Variants in SHROOM3 observed in about 807,000 individuals in gnomAD.
The protein encoded by SHROOM3 is shroom family member 3, also known as protein Shroom3.
SHROOM3 carries 47 observed loss-of-function variants against 138.6 expected under a neutral mutation model. That is an observed-to-expected ratio of 0.34 (90% CI 0.27 to 0.43). The LOEUF is 0.43. Ranked by LOEUF, SHROOM3 falls within the 20% of genes least tolerant of loss-of-function variation. SHROOM3 has a pLI of 1.00. For synonymous variants in SHROOM3, 1,062 were observed against 1,063.3 expected (o/e 1.00, Z 0.02); for missense variants, 2,491 against 2,596.5 (o/e 0.96, Z 0.88).
chr4:76,695,884 G>A (rs144266370), intron 2 of SHROOM3, among the ~76,000 whole-genome samples: 4 of 152,290 alleles, frequency 2.6e-5, no homozygotes, highest in African/African-American at 9.6e-5. Context: ...CAGACCCATC[G>A]AAGAAGCCCC....
intron 2 of SHROOM3, among the ~76,000 whole-genome samples, chr4:76,584,493 G>A (rs1734112033): frequency 6.6e-6 from 1 of 152,154 alleles, no homozygotes. Flanking sequence ...GACAGAGCTG[G>A]ACTATGAGGA....
chr4:76,772,654 A>C (rs1440489875), intron 10 of SHROOM3, among the ~76,000 whole-genome samples: 1 of 152,164 alleles, frequency 6.6e-6, no homozygotes, highest in Non-Finnish European at 1.5e-5. Context: ...CCTAACTCAG[A>C]AGTGTGTCCT....
intron 2 of SHROOM3, among the ~76,000 whole-genome samples, chr4:76,595,975 A>G (rs6846198): frequency 0.59 from 89,409 of 152,026 alleles, 27,033 homozygotes; most frequent in East Asian, 0.85. Context: ...TCTCTGCTCC[A>G]TGGTTGTTTT....
chr4:76,719,661 A>G (rs1720476639), intron 3 of SHROOM3, among the ~76,000 whole-genome samples: 1 of 151,752 alleles, frequency 6.6e-6, no homozygotes, highest in Non-Finnish European at 1.5e-5. Flanking sequence ...AATATTGGGG[A>G]AAAAAACATT....
At position 76,644,566 on chromosome 4, in the gene SHROOM3, G is replaced by GTT. The variant is rs1560577886; in HGVS notation, c.324-65590_324-65589insTT. Among the ~76,000 whole-genome samples the GTT allele has an allele frequency of 1.2e-3, 173 of 149,544 alleles. 1 individual carries two copies. Among genetic ancestry groups the GTT allele is most frequent in the African/African-American group, 4.1e-3 (166 of 40,818 alleles). On this transcript the variant is annotated intron_variant, in intron 2 of 10. Coordinates refer to ENST00000296043, the MANE Select transcript of SHROOM3 (RefSeq NM_020859.4). ...CAGCTTTCCATGTCAGGACATACGG[G>GTT]GTTTTTTTTTTTTAACTTTTATTTT...
At chr4:76,679,831 T>C (rs1310806174) in intron 2 of SHROOM3, among the ~76,000 whole-genome samples, 1 of 152,214 alleles carries the variant, frequency 6.6e-6, no homozygotes, top group African/African-American at 2.4e-5. Flanking sequence ...TGCACTCCAG[T>C]TGAACCCATG....
intron 2 of SHROOM3, among the ~76,000 whole-genome samples, chr4:76,646,637 C>T (rs1439948430): frequency 6.6e-6 from 1 of 152,050 alleles, no homozygotes; most frequent in Non-Finnish European, 1.5e-5. Flanking sequence ...TGGTCTACTT[C>T]TATTAGATGT....
At chr4:76,608,653 TAGCATAGCATAGCACAGCATAGCAC>T (rs1442655067) in intron 2 of SHROOM3, among the ~76,000 whole-genome samples, 11 of 44,162 alleles carry the variant, frequency 2.5e-4, no homozygotes, top group East Asian at 6.2e-4. Context: ...TAGCATAGCA[TAGCATAGCATAGCACAGCATAGCAC>T]AGCACAGCAC....
chr4:76,539,892 G>A (rs1283617875), intron 1 of SHROOM3, among the ~76,000 whole-genome samples: 1 of 152,198 alleles, frequency 6.6e-6, no homozygotes, highest in African/African-American at 2.4e-5. Flanking sequence ...CTTTCACCCA[G>A]GCTGGAGTGC....
At chr4:76,505,640 C>T (rs1349704324) in intron 1 of SHROOM3, among the ~76,000 whole-genome samples, 3 of 150,158 alleles carry the variant, frequency 2.0e-5, no homozygotes, top group African/African-American at 7.3e-5. Context: ...CAAGCATTTA[C>T]CTTGTATTAG....
intron 2 of SHROOM3, among the ~76,000 whole-genome samples, chr4:76,562,797 C>G (rs1560546723): frequency 6.6e-6 from 1 of 152,132 alleles, no homozygotes; most frequent in Non-Finnish European, 1.5e-5. Context: ...TTTAAAGAAG[C>G]AATTTATTAA....
chr4:76,639,270 A>G (rs1189624496), intron 2 of SHROOM3, among the ~76,000 whole-genome samples: 1 of 152,148 alleles, frequency 6.6e-6, no homozygotes, highest in Non-Finnish European at 1.5e-5. Flanking sequence ...TAGCCTCTGA[A>G]GAGCCTCTGG....
chr4:76,729,558 A>C (rs113889366), intron 3 of SHROOM3, among the ~76,000 whole-genome samples: 1 of 152,208 alleles, frequency 6.6e-6, no homozygotes, highest in African/African-American at 2.4e-5. Flanking sequence ...GAAGCTCTTC[A>C]GTGTCTGCTA....
At chr4:76,759,815 A>T (rs1339059259) in intron 9 of SHROOM3, 120 bp downstream of exon 9, 1 of 1,142,186 alleles carries the variant, frequency 8.8e-7, no homozygotes, top group Non-Finnish European at 1.3e-6. Context: ...TCACATCACC[A>T]GATTGCACCA....
At chr4:76,504,032 A>G (rs1244602247) in intron 1 of SHROOM3, among the ~76,000 whole-genome samples, 1 of 152,208 alleles carries the variant, frequency 6.6e-6, no homozygotes, top group Non-Finnish European at 1.5e-5. Context: ...GGAACAAACA[A>G]GGACCTGAAC....
At chr4:76,473,121 A>G (rs540004051) in intron 1 of SHROOM3, among the ~76,000 whole-genome samples, 2 of 152,376 alleles carry the variant, frequency 1.3e-5, no homozygotes, top group African/African-American at 4.8e-5. Flanking sequence ...ATTTTTATTT[A>G]TCAGTAAGAA....
intron 1 of SHROOM3, among the ~76,000 whole-genome samples, chr4:76,554,210 G>A (rs1398355527): frequency 6.6e-6 from 1 of 152,154 alleles, no homozygotes; most frequent in African/African-American, 2.4e-5. Context: ...TGTGTGGTAT[G>A]TAGCCTTTTC....
intron 1 of SHROOM3, among the ~76,000 whole-genome samples, chr4:76,461,478 AGTT>A (rs1484198816): frequency 1.3e-5 from 2 of 152,222 alleles, no homozygotes; most frequent in African/African-American, 4.8e-5. Context: ...AATTCACACT[AGTT>A]GTTTCAGCAG....
chr4:76,611,877 T>C (rs536934672), intron 2 of SHROOM3, among the ~76,000 whole-genome samples: 51 of 152,322 alleles, frequency 3.3e-4, no homozygotes, highest in African/African-American at 1.2e-3. Context: ...CTTCACCCAG[T>C]GTCCGGATCA....
Sources: gnomAD v4.1 joint callset for allele counts (sites outside exome capture counted in the v4.1 genomes callset) on GRCh38, gnomAD v4.1.1 for gene constraint, MANE v1.5 for transcripts, NCBI Gene and HGNC (gene_info 2026-07-23, HGNC 2026-07-21) for gene names.